ZNF687: variants seen among roughly 807,000 people sequenced by gnomAD.
ZNF687 encodes the protein zinc finger protein 687.
Under a neutral mutation model 71.8 loss-of-function variants are expected in ZNF687, and 13 were observed. The ratio of observed to expected loss-of-function variants is 0.18; its 90% CI spans 0.12 to 0.29. The LOEUF is 0.29. Ranked by LOEUF, ZNF687 falls within the 10% of genes least tolerant of loss-of-function variation. ZNF687 has a pLI of 1.00. For missense variants in ZNF687, 1,412 were observed against 1,625.6 expected (o/e 0.87, Z 2.26); for synonymous variants, 673 against 641.6 (o/e 1.05, Z -0.74).
chr1:151,289,000 G>A, intron 3 of ZNF687, 95 bp from the exon 4 acceptor site: 1 of 1,364,434 alleles, frequency 7.3e-7, no homozygotes, highest in Non-Finnish European at 1.0e-6. Context: ...TTTCCTTCTT[G>A]TAGTCTACCC....
In ZNF687 at chr1:151,290,881, G is replaced by C; in HGVS notation, c.3386G>C (p.Arg1129Thr). The change falls in exon 9 of 9, where the codon AGG becomes ACG. Residue 1129 changes from arginine to threonine, a missense_variant. Arg to Thr is a moderately conservative substitution (Grantham distance 71). Coordinates refer to ENST00000336715, the MANE Select transcript of ZNF687 (RefSeq NM_020832.3). ...STEQSLMMGL[R>T]VEDGAQQCLD... ...GAACAGAGCCTCATGATGGGGTTGA[G>C]GGTGGAGGATGGTGCCCAGCAGTGC... 6.2e-7 allele frequency: 1 copy of C among 1,614,118 alleles called. No individual in the cohort carries two copies. The highest frequency in any genetic ancestry group is 8.5e-7 in the Non-Finnish European group (1 of 1,180,028).
rs776328633 is a variant in ZNF687 at position 151,286,978 on chromosome 1, T to G, written c.687T>G (p.His229Gln). Residue 229 changes from histidine to glutamine, a missense_variant, in exon 2 of 9, where the codon CAT becomes CAG. By Grantham distance (24) the His-to-Gln change is conservative. Transcript: ENST00000336715. ...TGAAGCAGGAGAGCTGCAGCCCCCA[T>G]CATCCCCAGGTCCTAGCCCAACAAG... ...GALKQESCSP[H>Q]HPQVLAQQGS... The G allele has an allele frequency of 7.5e-6, 12 of 1,604,920 alleles. No individual in the cohort carries two copies. The highest frequency in any genetic ancestry group is 9.4e-6 in the Non-Finnish European group (11 of 1,174,626).
Position 151,292,049 on chromosome 1 carries a change from A to G in ZNF687, c.*840A>G, listed in dbSNP as rs1694312749. 4 of 152,132 alleles carry G rather than the reference A, an allele frequency of 2.6e-5. No homozygotes were observed. The South Asian group carries it at 8.3e-4, about 31-fold the overall frequency. 9.4% of individuals were successfully genotyped at this position (152,132 alleles called of 1,614,324 possible). A position where few individuals can be genotyped will look rare whatever the true frequency, so the allele number is the denominator to read the frequency against. On this transcript the variant is annotated 3_prime_UTR_variant, in exon 9 of 9. Coordinates refer to ENST00000336715, the MANE Select transcript of ZNF687 (RefSeq NM_020832.3). ...CAAACTTCTATGTAGTGCCTTTTGT[A>G]TCTTGGACACTGAGGCATCCGTTCA...
chr1:151,286,191 TA>T, intron 1 of ZNF687, 83 bp from the exon 2 acceptor site: 1 of 1,185,004 alleles, frequency 8.4e-7, no homozygotes, highest in Non-Finnish European at 1.2e-6. Flanking sequence ...TGAGAGAGGA[TA>T]AATATGGAGA....
chr1:151,287,720 A>C lies in ZNF687; in HGVS notation c.1429A>C (p.Lys477Gln). ...GASVVMVQPS[K>Q]TATGPSTGGG... ...CTCGGTGGTGATGGTGCAACCTTCA[A>C]AGACAGCTACTGGGCCAAGTACAGG... Residue 477 changes from lysine to glutamine, a missense_variant, in exon 2 of 9, where the codon AAG becomes CAG. Lys to Gln is a moderately conservative substitution (Grantham distance 53). Around this residue, in one of 8 missense-constraint regions of ZNF687, gnomAD observed 133 missense variants for 155.1 expected, o/e 0.86. Transcript: ENST00000336715. This position sits in a 1 kb window ranked among gnomAD's most constrained non-coding sequence, Gnocchi z 5.0. The C allele has an allele frequency of 1.2e-6, 2 of 1,613,822 alleles. No homozygotes were observed. Among genetic ancestry groups the C allele is most frequent in the Non-Finnish European group, 1.7e-6 (2 of 1,179,898 alleles).
At position 151,291,507 on chromosome 1, in the gene ZNF687, G is replaced by GACTT. The variant is rs907782047; in HGVS notation, c.*300_*303dup. 2.8e-5 allele frequency: 10 copies of GACTT among 355,516 alleles called. No homozygotes were observed. Among genetic ancestry groups the GACTT allele is most frequent in the African/African-American group, 1.7e-4 (8 of 47,610 alleles). 22.0% of individuals were successfully genotyped at this position (355,516 alleles called of 1,614,324 possible). On this transcript the variant is annotated 3_prime_UTR_variant, in exon 9 of 9. Transcript: ENST00000336715. ...TGTGGGCCTGGGGGTGGGAGGATGGGACTTAGGTATGCCTGCTAGACAGGT... is the reference window on the plus strand; with the variant it reads ...TGTGGGCCTGGGGGTGGGAGGATGGGACTTACTTAGGTATGCCTGCTAGACAGGT...
upstream of ZNF687, chr1:151,282,241 C>T: frequency 9.8e-7 from 1 of 1,022,936 alleles, no homozygotes; most frequent in South Asian, 3.4e-5. Flanking sequence ...AAACGGGCAG[C>T]CCAGACCTGG....
In ZNF687 at chr1:151,287,268, G is replaced by A. The variant is rs1188504100; in HGVS notation, c.977G>A (p.Arg326Lys). The A allele has an allele frequency of 6.2e-7, 1 of 1,614,212 alleles. No individual in the cohort carries two copies. Among genetic ancestry groups the A allele is most frequent in the Admixed American group, 1.7e-5 (1 of 60,018 alleles). The change falls in exon 2 of 9, where the codon AGG becomes AAG. Residue 326 changes from arginine (R) to lysine (K), a missense_variant. By Grantham distance (26) the Arg-to-Lys change is conservative. Transcript: ENST00000336715. This position sits in a 1 kb window ranked among gnomAD's most constrained non-coding sequence, Gnocchi z 5.0. ...SNDSPASSSS[R>K]PLKVRIKTIK... ...GACTCCCCTGCCTCCAGCTCCTCTA[G>A]GCCTCTTAAGGTGCGGATCAAGACC...
chr1:151,281,835 G>A (rs776455245), upstream of ZNF687: 26 of 374,020 alleles, frequency 7.0e-5, no homozygotes, highest in Non-Finnish European at 1.1e-4. Context: ...CCGACTCAAT[G>A]CGGTTCTGCT....
upstream of ZNF687, chr1:151,281,945 C>T: frequency 9.0e-7 from 1 of 1,110,540 alleles, no homozygotes; most frequent in South Asian, 1.5e-5. Flanking sequence ...GGCGGAGACG[C>T]ACCTGGGTGC....
In ZNF687 at chr1:151,287,691, G is replaced by C; in HGVS notation, c.1400G>C (p.Gly467Ala). The C allele has an allele frequency of 6.2e-7, 1 of 1,613,580 alleles. No homozygotes were observed. Among genetic ancestry groups the C allele is most frequent in the Non-Finnish European group, 8.5e-7 (1 of 1,179,810 alleles). ...GGGACTGGGGGACAGAAGGTGAATG[G>C]TGCCTCGGTGGTGATGGTGCAACCT... is the stretch of plus-strand genomic sequence containing the variant. Reference protein sequence around the residue: ...GLGTGGQKVNGASVVMVQPSK... With the variant: ...GLGTGGQKVNAASVVMVQPSK... The change falls in exon 2 of 9, where the codon GGT (glycine) becomes GCT (alanine). Residue 467 changes from glycine (G) to alanine (A), a missense_variant. Physicochemically the swap from Gly to Ala is moderately conservative, Grantham distance 60. This residue lies in a region of ZNF687 where 133 missense variants were observed against 155.1 expected (regional missense o/e 0.86). Transcript: ENST00000336715. The surrounding 1 kb of genome is among the most constrained non-coding windows in gnomAD (Gnocchi z 5.0).
chr1:151,291,382 C>T lies in ZNF687; in HGVS notation c.*173C>T. 4 of 940,616 alleles carry T rather than the reference C, an allele frequency of 4.3e-6. No homozygotes were observed. Among genetic ancestry groups the T allele is most frequent in the South Asian group, 3.6e-5 (2 of 55,470 alleles). 58.3% of individuals were successfully genotyped at this position (940,616 alleles called of 1,614,324 possible). A position where few individuals can be genotyped will look rare whatever the true frequency, so the allele number is the denominator to read the frequency against. ...ATTATTCTAGTTATTTGCAACCTCC[C>T]TTTGGGTTTGGCCCTGGAGTCCTAG... On this transcript the variant is annotated 3_prime_UTR_variant, in exon 9 of 9. Coordinates refer to ENST00000336715, the MANE Select transcript of ZNF687 (RefSeq NM_020832.3).
rs778394514 is a variant in ZNF687, at chr1:151,286,563, G to C, written c.272G>C (p.Cys91Ser). The C allele has an allele frequency of 6.2e-7, 1 of 1,614,228 alleles. No individual in the cohort carries two copies. Among genetic ancestry groups the C allele is most frequent in the African/African-American group, 1.3e-5 (1 of 75,056 alleles). Residue 91 changes from cysteine (C) to serine (S), a missense_variant, in exon 2 of 9, where the codon TGT becomes TCT. Transcript: ENST00000336715. ...VVSVIVKNTV[C>S]PEQSEALAGG... ...AGTGTCATTGTCAAGAACACTGTGT[G>C]TCCCGAGCAGTCTGAGGCCCTGGCT...
Position 151,286,089 on chromosome 1 carries a change from C to T in ZNF687, c.-17-186C>T, listed in dbSNP as rs372625218. On this transcript the variant is annotated intron_variant, in intron 1 of 8. Transcript: ENST00000336715. Reference sequence around the variant, plus strand: ...AGCCCACCAAGGTATGGACACTAATCCTCTTCTGATTTTAAGGTTTGGCAA... The same window carrying T: ...AGCCCACCAAGGTATGGACACTAATTCTCTTCTGATTTTAAGGTTTGGCAA... The T allele has an allele frequency of 1.5e-5, 7 of 467,910 alleles. No individual in the cohort carries two copies. The East Asian group carries it at 1.7e-4, about 11-fold the overall frequency. 29.0% of individuals were successfully genotyped at this position (467,910 alleles called of 1,614,324 possible).
intron 7 of ZNF687, 91 bp downstream of exon 7, chr1:151,290,325 G>C: frequency 6.2e-7 from 1 of 1,608,968 alleles, no homozygotes. Context: ...TGTCTAAGTG[G>C]CCTGATGGTT....
chr1:151,283,242 T>C (rs1470824324), intron 1 of ZNF687: 1 of 985,412 alleles, frequency 1.0e-6, no homozygotes, highest in Non-Finnish European at 1.2e-6. Context: ...TTCCGTCTGC[T>C]ACCCAGCTTG....
chr1:151,286,417 G>A lies in ZNF687; in HGVS notation c.126G>A (p.Lys42=). 6.2e-7 allele frequency: 1 copy of A among 1,613,662 alleles called. No individual in the cohort carries two copies. The highest frequency in any genetic ancestry group is 8.5e-7 in the Non-Finnish European group (1 of 1,179,872). Residue 42 remains lysine (K), a synonymous_variant, in exon 2 of 9, where the codon AAG becomes AAA. Transcript: ENST00000336715. The part of the protein sequence containing the change: ...EENEGPGGPG[K]PEPGVGSESE... Reference sequence around the variant, plus strand: ...ATGAGGGGCCTGGAGGCCCAGGGAAGCCAGAACCAGGTGTAGGAAGTGAAT... The same window carrying A: ...ATGAGGGGCCTGGAGGCCCAGGGAAACCAGAACCAGGTGTAGGAAGTGAAT...
chr1:151,284,274 C>T (rs1348495360), intron 1 of ZNF687: 13 of 985,000 alleles, frequency 1.3e-5, no homozygotes, highest in Non-Finnish European at 1.4e-5. Flanking sequence ...GTGTATGTAT[C>T]TTGGGAGTTT....
rs1016075888 is a variant in ZNF687, at chr1:151,291,739, G to A, written c.*530G>A. The A allele has an allele frequency of 1.3e-5, 2 of 152,624 alleles. No individual in the cohort carries two copies. The highest frequency in any genetic ancestry group is 6.5e-5 in the Admixed American group (1 of 15,322). 9.5% of individuals were successfully genotyped at this position (152,624 alleles called of 1,614,324 possible). ...CTTTTTTTCCCCAGAAATCCGGGGC[G>A]GGGGGGTGGGGGGTTGGTAGGGATG... On this transcript the variant is annotated 3_prime_UTR_variant, in exon 9 of 9. Coordinates refer to ENST00000336715, the MANE Select transcript of ZNF687 (RefSeq NM_020832.3).
Sources: allele counts gnomAD v4.1 joint callset, GRCh38; gene constraint gnomAD v4.1.1; regional missense constraint gnomAD v4.1.1; non-coding constraint Gnocchi (gnomAD v3.1); transcripts MANE v1.5; gene names NCBI Gene and HGNC (gene_info 2026-07-23, HGNC 2026-07-21).